The following GRID1 variants were observed in gnomAD, a reference collection of about 807,000 sequenced individuals.
GRID1 encodes the protein glutamate receptor ionotropic, delta-1.
A neutral mutation model predicts 98.0 loss-of-function variants in GRID1; 28 were observed. That is an observed-to-expected ratio of 0.29 (90% CI 0.21 to 0.39). The LOEUF (loss-of-function observed/expected upper bound fraction) is 0.39, where lower values mean the gene tolerates loss of function less well. Ranked by LOEUF, GRID1 falls within the 10% of genes least tolerant of loss-of-function variation. GRID1 has a pLI of 1.00. For missense variants in GRID1, 1,111 were observed against 1,340.5 expected (o/e 0.83, Z 2.67); for synonymous variants, 553 against 538.5 (o/e 1.03, Z -0.37).
In GRID1 at chr10:85,865,971, A is replaced by ATATATATATATACATATATATG. The variant is rs1564613351; in HGVS notation, c.951+3038_951+3039insCATATATATGTATATATATATA. Among the ~76,000 whole-genome samples the ATATATATATATACATATATATG allele has an allele frequency of 1.2e-4, 13 of 107,692 alleles. 1 individual carries two copies. Among genetic ancestry groups the ATATATATATATACATATATATG allele is most frequent in the Non-Finnish European group, 2.7e-4 (13 of 48,412 alleles). 70.7% of individuals were successfully genotyped at this position (107,692 alleles called of 152,430 possible). ...CATATATATGGAGAGAGAGAGAGAG[A>ATATATATATATACATATATATG]GAGAGAGAGAGAGAGAGAGAGAGAG... On this transcript the variant is annotated intron_variant, in intron 6 of 15. Transcript: ENST00000327946.
At chr10:85,730,330 T>C (rs994896462) in intron 8 of GRID1, among the ~76,000 whole-genome samples, 2 of 152,254 alleles carry the variant, frequency 1.3e-5, no homozygotes, top group African/African-American at 4.8e-5. Context: ...CAGTTGTTCA[T>C]GAGACTGCTT....
At chr10:86,078,344 T>C (rs887378992) in intron 4 of GRID1, among the ~76,000 whole-genome samples, 2 of 152,234 alleles carry the variant, frequency 1.3e-5, no homozygotes, top group African/African-American at 4.8e-5. Flanking sequence ...AATGCACAGC[T>C]GCTTCTTTAT....
At chr10:85,816,949 C>T (rs1421425114) in intron 8 of GRID1, among the ~76,000 whole-genome samples, 3 of 152,174 alleles carry the variant, frequency 2.0e-5, no homozygotes, top group Non-Finnish European at 2.9e-5. Flanking sequence ...TAACTGAGAA[C>T]ATGCAGCATT....
chr10:86,240,869 C>T (rs1305680879), intron 2 of GRID1, among the ~76,000 whole-genome samples: 1 of 152,200 alleles, frequency 6.6e-6, no homozygotes, highest in Non-Finnish European at 1.5e-5. Flanking sequence ...CCCAGACCAG[C>T]CTCGGGGAGC....
intron 12 of GRID1, among the ~76,000 whole-genome samples, chr10:85,653,655 AG>A (rs1288857560): frequency 2.0e-5 from 3 of 152,220 alleles, no homozygotes; most frequent in Non-Finnish European, 4.4e-5. Flanking sequence ...GACCTTTAAA[AG>A]GTGATTGGAT....
intron 8 of GRID1, among the ~76,000 whole-genome samples, chr10:85,793,747 T>C (rs1180834237): frequency 6.6e-6 from 1 of 152,116 alleles, no homozygotes; most frequent in African/African-American, 2.4e-5. Context: ...ATAAAAGCAT[T>C]ATTATAGTGA....
intron 15 of GRID1, among the ~76,000 whole-genome samples, chr10:85,612,458 A>C (rs1484401534): frequency 6.6e-6 from 1 of 152,204 alleles, no homozygotes; most frequent in Non-Finnish European, 1.5e-5. Context: ...AAACAGACAA[A>C]AAACAAAACA....
chr10:85,729,288 C>T (rs538110941), intron 9 of GRID1, among the ~76,000 whole-genome samples: 29 of 152,300 alleles, frequency 1.9e-4, no homozygotes, highest in African/African-American at 6.5e-4. Flanking sequence ...TTTTCTAGAG[C>T]AGCTCAGGGA....
chr10:85,997,373 T>C (rs1267083898), intron 4 of GRID1, among the ~76,000 whole-genome samples: 3 of 150,960 alleles, frequency 2.0e-5, no homozygotes, highest in African/African-American at 7.3e-5. Context: ...TACTACAGCC[T>C]GGGCAACAGA....
chr10:85,806,637 A>G (rs1230567347), intron 8 of GRID1, among the ~76,000 whole-genome samples: 2 of 152,230 alleles, frequency 1.3e-5, no homozygotes, highest in African/African-American at 2.4e-5. Context: ...ATAAAAAGGA[A>G]TAAACAAAAC....
intron 3 of GRID1, among the ~76,000 whole-genome samples, chr10:86,172,961 G>T (rs572776869): frequency 1.1e-4 from 17 of 152,268 alleles, no homozygotes; most frequent in African/African-American, 4.1e-4. Context: ...AAATTAAGTT[G>T]AAGAAAATCT....
At chr10:85,787,956 C>T (rs575044769) in intron 8 of GRID1, among the ~76,000 whole-genome samples, 5 of 152,064 alleles carry the variant, frequency 3.3e-5, no homozygotes, top group African/African-American at 9.6e-5. Context: ...GCCCTGGTTC[C>T]GCTCTTTGCT....
At chr10:86,158,956 C>A (rs1030491299) in intron 3 of GRID1, among the ~76,000 whole-genome samples, 8 of 152,088 alleles carry the variant, frequency 5.3e-5, no homozygotes, top group Non-Finnish European at 1.0e-4. Context: ...TGCAGTGGCG[C>A]GATCTTGGCT....
chr10:86,274,644 T>G (rs960290393), intron 2 of GRID1, among the ~76,000 whole-genome samples: 1 of 152,106 alleles, frequency 6.6e-6, no homozygotes, highest in Non-Finnish European at 1.5e-5. Flanking sequence ...GTAAGTTAGA[T>G]TCCTAGGTAT....
intron 12 of GRID1, among the ~76,000 whole-genome samples, chr10:85,715,578 C>T (rs1841629286): frequency 1.3e-5 from 2 of 151,974 alleles, no homozygotes; most frequent in Admixed American, 1.3e-4. Flanking sequence ...CAAAAGAAGA[C>T]ATATAAATGA....
At chr10:85,851,242 A>T (rs185463338) in intron 8 of GRID1, among the ~76,000 whole-genome samples, 1 of 152,280 alleles carries the variant, frequency 6.6e-6, no homozygotes, top group East Asian at 1.9e-4. Context: ...TGTCAGGCCA[A>T]TGCCTGTGAG....
rs543656193 is a variant in GRID1 at position 85,749,672 on chromosome 10, C to A, written c.1234-20058G>T. Among the ~76,000 whole-genome samples, 4 of 152,282 alleles carry A rather than the reference C, an allele frequency of 2.6e-5. No individual in the cohort carries two copies. The East Asian group carries it at 7.7e-4, about 29-fold the overall frequency. On this transcript the variant is annotated intron_variant, in intron 8 of 15. Transcript: ENST00000327946. ...CCTAGCTAATAATATCCTATCACTT[C>A]CTCCTAGTAATCTAAAACAGCCACA... is the stretch of plus-strand genomic sequence containing the variant.
At chr10:85,770,689 G>A (rs184271189) in intron 8 of GRID1, among the ~76,000 whole-genome samples, 83 of 152,276 alleles carry the variant, frequency 5.5e-4, no homozygotes, top group African/African-American at 1.8e-3. Flanking sequence ...CAGAAGCCTC[G>A]GGAGCCGATG....
chr10:85,946,377 T>C (rs1842053630), intron 4 of GRID1, among the ~76,000 whole-genome samples: 1 of 152,216 alleles, frequency 6.6e-6, no homozygotes, highest in South Asian at 2.1e-4. Flanking sequence ...TCCACTCCAT[T>C]CGACCCAAGT....
Sources: allele counts gnomAD v4.1 joint callset (sites outside exome capture counted in the v4.1 genomes callset), GRCh38; gene constraint gnomAD v4.1.1; transcripts MANE v1.5; gene names NCBI Gene and HGNC (gene_info 2026-07-23, HGNC 2026-07-21).